LCA5: variants seen among roughly 807,000 people sequenced by gnomAD.
LCA5 encodes lebercilin LCA5.
LCA5 carries 37 observed loss-of-function variants against 53.0 expected under a neutral mutation model. The ratio of observed to expected loss-of-function variants is 0.70; its 90% confidence interval spans 0.54 to 0.92. The LOEUF is 0.92. LCA5 is among the 40% of genes least tolerant of loss of function. The pLI is 0.00. For synonymous variants in LCA5, 303 were observed against 282.9 expected (o/e 1.07, Z -0.71); for missense variants, 806 against 790.5 (o/e 1.02, Z -0.23).
chr6:79,496,710 A>G (rs560000091), intron 3 of LCA5, among the ~76,000 whole-genome samples: 28 of 152,298 alleles, frequency 1.8e-4, no homozygotes, highest in African/African-American at 6.5e-4. Context: ...AAAAGGCATT[A>G]AAACTTTTTA....
intron 3 of LCA5, 79 bp from the exon 4 acceptor site, chr6:79,493,829 G>A (rs919658870): frequency 1.8e-6 from 2 of 1,109,890 alleles, no homozygotes; most frequent in Non-Finnish European, 2.6e-6. Context: ...GTGTCAAAAT[G>A]ATGTTTTTAG....
rs1769713091 is a variant in LCA5, at chr6:79,487,778, C to T, written c.1320G>A (p.Arg440=). The change falls in exon 8 of 8, where the codon AGG becomes AGA. Residue 440 remains arginine, a synonymous_variant. Coordinates refer to ENST00000369846, the MANE Select transcript of LCA5 (RefSeq NM_001122769.3). ...GAATTGGATACATTCCTAGTTGGTACCTTCCAGTTTCCCACTCTGGCTTTT... is the reference window on the plus strand; with the variant it reads ...GAATTGGATACATTCCTAGTTGGTATCTTCCAGTTTCCCACTCTGGCTTTT... The part of the protein sequence containing the change: ...REEKPEWETG[R]YQLGMYPIQN... 1.9e-6 allele frequency: 3 copies of T among 1,612,914 alleles called. No individual in the cohort carries two copies. Among genetic ancestry groups the T allele is most frequent in the Middle Eastern group, 1.7e-4 (1 of 6,058 alleles).
chr6:79,521,576 C>T (rs1766625672), intron 1 of LCA5, among the ~76,000 whole-genome samples: 1 of 152,104 alleles, frequency 6.6e-6, no homozygotes, highest in Non-Finnish European at 1.5e-5. Flanking sequence ...TAAATATAAA[C>T]TAATGTGAGT....
rs745520623 is a variant in LCA5 at position 79,513,421 on chromosome 6, G to A, written c.511C>T (p.Leu171Phe). 14 of 1,613,626 alleles carry A rather than the reference G, an allele frequency of 8.7e-6. No homozygotes were observed. The African/African-American group carries it at 1.5e-4, about 17-fold the overall frequency. The change falls in exon 3 of 8, where the codon CTC (leucine) becomes TTC (phenylalanine). Residue 171 changes from leucine (L) to phenylalanine (F), a missense_variant. Leu to Phe is a conservative substitution (Grantham distance 22). Coordinates refer to ENST00000369846, the MANE Select transcript of LCA5 (RefSeq NM_001122769.3). ...TGAGATTTTCTTAAGCGTTCTTTGA[G>A]TGCTGTAATCTCATTGTTATGACGA... ...IFRHNNEITA[L>F]KERLRKSQEK...
At chr6:79,534,876 T>G (rs1767064781) in intron 1 of LCA5, among the ~76,000 whole-genome samples, 1 of 152,154 alleles carries the variant, frequency 6.6e-6, no homozygotes, top group South Asian at 2.1e-4. Flanking sequence ...GCAAATACTT[T>G]ACAACTGTGC....
In LCA5 at chr6:79,486,848, G is replaced by A; in HGVS notation, c.*156C>T. 1.6e-6 allele frequency: 1 copy of A among 634,800 alleles called. No homozygotes were observed. Among genetic ancestry groups the A allele is most frequent in the African/African-American group, 1.8e-5 (1 of 54,692 alleles). The allele number at this position is 634,800 out of a possible 1,614,324, so 39.3% of individuals were successfully genotyped here. ...TTGGCAAACTATCTATGTGGTGTAT[G>A]TATGATCTACTTCTTTTTAACTGCA... On this transcript the variant is annotated 3_prime_UTR_variant, in exon 8 of 8. Coordinates refer to ENST00000369846, the MANE Select transcript of LCA5 (RefSeq NM_001122769.3).
intron 1 of LCA5, among the ~76,000 whole-genome samples, chr6:79,520,278 G>C (rs1362470132): frequency 6.6e-6 from 1 of 151,746 alleles, no homozygotes; most frequent in African/African-American, 2.4e-5. Context: ...CAAAAAGTCT[G>C]TATTTAAGGA....
Position 79,524,412 on chromosome 6 carries a change from T to C in LCA5, c.-191-5327A>G, listed in dbSNP as rs563449700. Among the ~76,000 whole-genome samples the C allele has an allele frequency of 2.6e-5, 4 of 152,338 alleles. No homozygotes were observed. The South Asian group carries it at 8.3e-4, about 32-fold the overall frequency. ...TGTCGTTATTTTACCTCACACTTGT[T>C]ACTTTTCATACATTCCAAATTCTAG... On this transcript the variant is annotated intron_variant, in intron 1 of 7. Transcript: ENST00000369846.
chr6:79,496,084 C>T (rs1769976380), intron 3 of LCA5, among the ~76,000 whole-genome samples: 1 of 152,150 alleles, frequency 6.6e-6, no homozygotes, highest in Admixed American at 6.5e-5. Flanking sequence ...TAGAACAATG[C>T]TTCAATATCG....
At chr6:79,506,078 T>G (rs1000631953) in intron 3 of LCA5, among the ~76,000 whole-genome samples, 1 of 152,186 alleles carries the variant, frequency 6.6e-6, no homozygotes, top group African/African-American at 2.4e-5. Flanking sequence ...CAATCTCTTA[T>G]AGTAAAATCT....
chr6:79,486,154 T>C lies in LCA5; in HGVS notation c.*850A>G, dbSNP rs1562091578. ...TTGAACTGAAGATCTTTCTATAATA[T>C]ATTGGGATAAAGTTTTTCTATTCTT... On this transcript the variant is annotated 3_prime_UTR_variant, in exon 8 of 8. Transcript: ENST00000369846. 1 of 152,194 alleles carries C rather than the reference T, an allele frequency of 6.6e-6. No homozygotes were observed. Among genetic ancestry groups the C allele is most frequent in the Non-Finnish European group, 1.5e-5 (1 of 68,034 alleles). 9.4% of individuals were successfully genotyped at this position (152,194 alleles called of 1,614,324 possible). A position where few individuals can be genotyped will look rare whatever the true frequency, so the allele number is the denominator to read the frequency against.
At chr6:79,505,872 T>A (rs1770259972) in intron 3 of LCA5, among the ~76,000 whole-genome samples, 1 of 151,936 alleles carries the variant, frequency 6.6e-6, no homozygotes, top group South Asian at 2.1e-4. Flanking sequence ...CAGTTCTGAA[T>A]AAACTAAGAA....
At chr6:79,516,804 T>C (rs773730312) in intron 2 of LCA5, among the ~76,000 whole-genome samples, 2 of 151,880 alleles carry the variant, frequency 1.3e-5, no homozygotes, top group Non-Finnish European at 2.9e-5. Flanking sequence ...GTGTTAAAAA[T>C]AATATGACTC....
chr6:79,497,956 CAAA>C (rs34167121), intron 3 of LCA5, among the ~76,000 whole-genome samples: 7 of 92,756 alleles, frequency 7.5e-5, no homozygotes, highest in Non-Finnish European at 6.8e-5. Context: ...GACTCCATCT[CAAA>C]AAAAAAAAAA....
chr6:79,489,260 AGGG>A (rs574952998), intron 6 of LCA5, 44 bp from the exon 7 acceptor site: 1 of 1,595,248 alleles, frequency 6.3e-7, no homozygotes, highest in Admixed American at 1.7e-5. Flanking sequence ...ATTATAGAAA[AGGG>A]GGGGAACTAA....
In LCA5 at chr6:79,486,978, T is replaced by C; in HGVS notation, c.*26A>G. On this transcript the variant is annotated 3_prime_UTR_variant, in exon 8 of 8. Transcript: ENST00000369846. ...TATTAAAATATTTCAATATTTACAA[T>C]TAGAAAAAATGTATACTCTAGTCAG... The C allele has an allele frequency of 6.4e-7, 1 of 1,567,718 alleles. No homozygotes were observed. Among genetic ancestry groups the C allele is most frequent in the Non-Finnish European group, 8.7e-7 (1 of 1,147,040 alleles).
At chr6:79,500,655 T>G (rs1340425947) in intron 3 of LCA5, among the ~76,000 whole-genome samples, 1 of 152,326 alleles carries the variant, frequency 6.6e-6, no homozygotes, top group South Asian at 2.1e-4. Flanking sequence ...GAAAGCTTGA[T>G]AATGCAAAGC....
chr6:79,493,703 C>T lies in LCA5; in HGVS notation c.768G>A (p.Gln256=), dbSNP rs142495741. The change falls in exon 4 of 8, where the codon CAG becomes CAA. Residue 256 remains glutamine, a synonymous_variant. Coordinates refer to ENST00000369846, the MANE Select transcript of LCA5 (RefSeq NM_001122769.3). ...LELSTNSFQR[Q]LLAERKRAYE... is the part of the protein sequence containing the mutation. Reference sequence around the variant, plus strand: ...ATGCCCTTTTCCTTTCAGCAAGCAACTGTCGTTGGAAACTGTTAGTACTCA... The same window carrying T: ...ATGCCCTTTTCCTTTCAGCAAGCAATTGTCGTTGGAAACTGTTAGTACTCA... 66 of 1,613,596 alleles carry T rather than the reference C, an allele frequency of 4.1e-5. No homozygotes were observed. In the African/African-American group the frequency reaches 8.4e-4, roughly 21 times the overall value.
At position 79,513,401 on chromosome 6, in the gene LCA5, T is replaced by G. The variant is rs1766311581; in HGVS notation, c.531A>C (p.Lys177Asn). The change falls in exon 3 of 8, where the codon AAA (lysine) becomes AAC (asparagine). Residue 177 changes from lysine (K) to asparagine (N), a missense_variant. Lys to Asn is a moderately conservative substitution (Grantham distance 94, BLOSUM62 0). Coordinates refer to ENST00000369846, the MANE Select transcript of LCA5 (RefSeq NM_001122769.3). Reference sequence around the variant, plus strand: ...CAGTTGCCCGTTCTTTCTCTTGAGATTTTCTTAAGCGTTCTTTGAGTGCTG... The same window carrying G: ...CAGTTGCCCGTTCTTTCTCTTGAGAGTTTCTTAAGCGTTCTTTGAGTGCTG... ...EITALKERLRKSQEKERATEK... is the reference protein window; with the variant it reads ...EITALKERLRNSQEKERATEK... The G allele has an allele frequency of 6.2e-7, 1 of 1,613,842 alleles. No individual in the cohort carries two copies. The highest frequency in any genetic ancestry group is 1.3e-5 in the African/African-American group (1 of 74,912).
Sources: allele counts gnomAD v4.1 joint callset (sites outside exome capture counted in the v4.1 genomes callset), GRCh38; gene constraint gnomAD v4.1.1; transcripts MANE v1.5; gene names NCBI Gene and HGNC (gene_info 2026-07-23, HGNC 2026-07-21).